CSDE1: variants seen among roughly 807,000 people sequenced by gnomAD.
CSDE1 encodes the protein cold shock domain-containing protein E1.
A neutral mutation model predicts 89.3 loss-of-function variants in CSDE1; 17 were observed. The ratio of observed to expected loss-of-function variants is 0.19; its 90% CI spans 0.13 to 0.29. The LOEUF (loss-of-function observed/expected upper bound fraction) is 0.29. Ranked by LOEUF, CSDE1 falls within the 10% of genes least tolerant of loss-of-function variation. The pLI is 1.00. For missense variants in CSDE1, 672 were observed against 984.2 expected (o/e 0.68, Z 4.24); for synonymous variants, 322 against 332.8 (o/e 0.97, Z 0.35).
At chr1:114,756,808 A>C (rs1307382589) in intron 1 of CSDE1, 1 of 152,268 alleles carries the variant, frequency 6.6e-6, no homozygotes, top group Admixed American at 6.5e-5. Context: ...TTGCAGATTC[A>C]AGCCTGTTTC....
In CSDE1 at chr1:114,720,548, C is replaced by T. The variant is rs1347424861; in HGVS notation, c.2043G>A (p.Val681=). 5 of 1,611,372 alleles carry T rather than the reference C, an allele frequency of 3.1e-6. No individual in the cohort carries two copies. The highest frequency in any genetic ancestry group is 2.5e-6 in the Non-Finnish European group (3 of 1,178,368). ...AGATGCTGGCACTTACCTGATCTTT[C>T]ACACATTCCACTGTGGCCCTGCGCA... ...TPLRRATVEC[V]KDQFGFINYE... The change falls in exon 17 of 20, where the codon GTG becomes GTA. Residue 681 remains valine (V), a synonymous_variant. Transcript: ENST00000358528.
intron 6 of CSDE1, 68 bp downstream of exon 6, chr1:114,736,690 C>T: frequency 1.0e-6 from 1 of 955,254 alleles, no homozygotes; most frequent in African/African-American, 1.7e-5. Flanking sequence ...TAACTCTATT[C>T]AAATTTCTTA....
At chr1:114,746,404 C>G (rs1436716057) in intron 2 of CSDE1, 1 of 151,986 alleles carries the variant, frequency 6.6e-6, no homozygotes, top group Middle Eastern at 3.2e-3. Flanking sequence ...CGTAATGGAT[C>G]GTTTGTTCCC....
intron 2 of CSDE1, among the ~76,000 whole-genome samples, chr1:114,740,865 T>C (rs749833431): frequency 7.9e-5 from 12 of 152,224 alleles, no homozygotes; most frequent in Non-Finnish European, 1.3e-4. Context: ...ACTGAAAATC[T>C]GATTTATAAG....
At chr1:114,718,309 G>T in intron 19 of CSDE1, 93 bp from the exon 20 acceptor site, 1 of 1,430,240 alleles carries the variant, frequency 7.0e-7, no homozygotes, top group Non-Finnish European at 9.7e-7. Flanking sequence ...AACTACAAAA[G>T]CATTATTTTT....
rs182879366 is a variant in CSDE1 at position 114,721,793 on chromosome 1, C to T, written c.1874-1076G>A. ...TAGAGACAGGGTTTTGCCATGTTGC[C>T]CAGGCTGGTCTCAAACTCCTGGGCT... is the stretch of plus-strand genomic sequence containing the variant. On this transcript the variant is annotated intron_variant, in intron 16 of 19. Transcript: ENST00000358528. Among the ~76,000 whole-genome samples the T allele has an allele frequency of 3.0e-4, 45 of 152,044 alleles. No individual in the cohort carries two copies. The East Asian group carries it at 7.0e-3, about 24-fold the overall frequency.
Position 114,718,032 on chromosome 1 carries a change from G to A in CSDE1, c.*137C>T, listed in dbSNP as rs911582753. On this transcript the variant is annotated 3_prime_UTR_variant, in exon 20 of 20. Transcript: ENST00000358528. ...TTTTTAAACATAACACGAGGAAGGT[G>A]TTAAAACTGGTGTAATAGCTCAATA... 5.0e-6 allele frequency: 4 copies of A among 804,782 alleles called. No individual in the cohort carries two copies. Among genetic ancestry groups the A allele is most frequent in the Admixed American group, 4.7e-5 (2 of 42,980 alleles). 49.9% of individuals were successfully genotyped at this position (804,782 alleles called of 1,614,324 possible).
rs150862642 is a variant in CSDE1 at position 114,745,730 on chromosome 1, C to A, written c.-1+4091G>T. Among the ~76,000 whole-genome samples, 1,085 of 152,280 alleles carry A rather than the reference C, an allele frequency of 7.1e-3. 9 individuals are homozygous for A. The highest frequency in any genetic ancestry group is 0.025 in the African/African-American group (1,021 of 41,554). ...CCTTTTCTACATATTTACTTTTAAA[C>A]TGAAAAAGTCATTGACAAAATTAGT... On this transcript the variant is annotated intron_variant, in intron 2 of 19. Coordinates refer to ENST00000358528, the MANE Select transcript of CSDE1 (RefSeq NM_001007553.3).
intron 1 of CSDE1, among the ~76,000 whole-genome samples, chr1:114,752,632 C>G (rs1162599500): frequency 6.6e-6 from 1 of 152,156 alleles, no homozygotes; most frequent in Admixed American, 6.5e-5. Context: ...TTGGGAGATT[C>G]CTGAATTCTA....
At chr1:114,726,895 T>C (rs781158472) in intron 13 of CSDE1, 88 bp downstream of exon 13, 38 of 796,028 alleles carry the variant, frequency 4.8e-5, no homozygotes, top group Non-Finnish European at 5.2e-5. Context: ...TCAGCAAAAC[T>C]TGATAAAATT....
At chr1:114,757,589 G>A (rs942581663) in intron 1 of CSDE1, among the ~76,000 whole-genome samples, 1 of 151,976 alleles carries the variant, frequency 6.6e-6, no homozygotes, top group Non-Finnish European at 1.5e-5. Flanking sequence ...CAGCCTCCGC[G>A]CCCGAGCCCC....
At chr1:114,729,691 C>T (rs1315490254) in intron 12 of CSDE1, among the ~76,000 whole-genome samples, 2 of 152,066 alleles carry the variant, frequency 1.3e-5, no homozygotes, top group East Asian at 3.9e-4. Context: ...TATCGCTGAC[C>T]TTCAATAGCA....
chr1:114,717,417 A>G lies in CSDE1; in HGVS notation c.*752T>C, dbSNP rs1659245703. ...GCATTCATTTTTTTTGTTTTTGTTT[A>G]AATATGTTTAAATTATCACACTGCT... On this transcript the variant is annotated 3_prime_UTR_variant, in exon 20 of 20. Coordinates refer to ENST00000358528, the MANE Select transcript of CSDE1 (RefSeq NM_001007553.3). 1.3e-5 allele frequency: 2 copies of G among 152,336 alleles called. No homozygotes were observed. The highest frequency in any genetic ancestry group is 2.9e-5 in the Non-Finnish European group (2 of 68,012). 9.4% of individuals were successfully genotyped at this position (152,336 alleles called of 1,614,324 possible).
In CSDE1 at chr1:114,720,028, CAT is replaced by C. The variant is rs201955000; in HGVS notation, c.2053-288_2053-287del. On this transcript the variant is annotated intron_variant, in intron 17 of 19. Transcript: ENST00000358528. ...ACTCATCAGGAAGCTGTTACTTCAA[CAT>C]ATATATTGTTTGGATCCCCTCTAGA... 7.0e-3 allele frequency among the ~76,000 whole-genome samples: 1,069 copies of C among 152,280 alleles called. 9 individuals are homozygous for C. Among genetic ancestry groups the C allele is most frequent in the African/African-American group, 0.025 (1,040 of 41,566 alleles).
At position 114,739,720 on chromosome 1, in the gene CSDE1, A is replaced by G; in HGVS notation, c.171T>C (p.Asn57=). ...CTACTTTTAAGTCTTGCAGGTTGCC[A>G]TTATACTGTGAACAGTGGAAGAAAA... ...ARLFFHCSQY[N]GNLQDLKVGD... Residue 57 remains asparagine, a synonymous_variant, in exon 3 of 20, where the codon AAT becomes AAC. Coordinates refer to ENST00000358528, the MANE Select transcript of CSDE1 (RefSeq NM_001007553.3). 1 of 1,613,892 alleles carries G rather than the reference A, an allele frequency of 6.2e-7. No homozygotes were observed. Among genetic ancestry groups the G allele is most frequent in the East Asian group, 2.2e-5 (1 of 44,846 alleles).
rs1227212479 is a variant in CSDE1, at chr1:114,739,858, A to G, written c.33T>C (p.Asn11=). 1.2e-6 allele frequency: 2 copies of G among 1,614,052 alleles called. No homozygotes were observed. Among genetic ancestry groups the G allele is most frequent in the Admixed American group, 1.7e-5 (1 of 60,026 alleles). ...TACCATTAGGGTACCCATTATGTCC[A>G]TTGTTGTGGAGAAGGTTTGGATCAA... The part of the protein sequence containing the change: MSFDPNLLHN[N]GHNGYPNGTS... The change falls in exon 3 of 20, where the codon AAT becomes AAC. Residue 11 remains asparagine, a synonymous_variant. Coordinates refer to ENST00000358528, the MANE Select transcript of CSDE1 (RefSeq NM_001007553.3).
At chr1:114,755,640 T>C (rs1019740342) in intron 1 of CSDE1, among the ~76,000 whole-genome samples, 22 of 152,236 alleles carry the variant, frequency 1.4e-4, no homozygotes, top group Non-Finnish European at 7.3e-5. Context: ...CTCACCATAG[T>C]AGTTTCACCA....
intron 6 of CSDE1, among the ~76,000 whole-genome samples, chr1:114,736,279 C>T (rs1660397732): frequency 6.6e-6 from 1 of 152,136 alleles, no homozygotes; most frequent in Admixed American, 6.5e-5. Flanking sequence ...CAAAAGTCTA[C>T]CACTTCCACC....
intron 10 of CSDE1, 117 bp downstream of exon 10, chr1:114,732,487 G>C (rs1309110283): frequency 5.9e-6 from 5 of 848,342 alleles, no homozygotes; most frequent in Non-Finnish European, 9.4e-6. Context: ...ACCTTAACAA[G>C]GTAAATGCCC....
Sources: gnomAD v4.1 joint callset for allele counts (sites outside exome capture counted in the v4.1 genomes callset) on GRCh38, gnomAD v4.1.1 for gene constraint, MANE v1.5 for transcripts, NCBI Gene and HGNC (gene_info 2026-07-23, HGNC 2026-07-21) for gene names.